The following SLC24A2 variants were observed in gnomAD, a reference collection of about 807,000 sequenced individuals.
SLC24A2 encodes the protein sodium/potassium/calcium exchanger 2.
Under a neutral mutation model 62.0 loss-of-function variants are expected in SLC24A2, and 36 were observed. The ratio of observed to expected loss-of-function variants is 0.58; its 90% CI spans 0.44 to 0.77. The LOEUF (loss-of-function observed/expected upper bound fraction) is 0.77, where lower values mean the gene tolerates loss of function less well. Among genes scored for constraint, SLC24A2 ranks in the 30% least tolerant of loss-of-function variants. The probability of loss-of-function intolerance (pLI) is 0.00; values close to 1 mark genes in which losing one functional copy is unlikely to be tolerated. For synonymous variants in SLC24A2, 358 were observed against 294.0 expected, an observed-to-expected ratio of 1.22 and a Z score of -2.23; for missense variants, 846 against 817.9, an observed-to-expected ratio of 1.03 and a Z score of -0.42.
At chr9:19,982,457 T>A in the SLC24A2 span, among the ~76,000 whole-genome samples, 1 of 152,010 alleles carries the variant, frequency 6.6e-6, no homozygotes, top group African/African-American at 2.4e-5. Flanking sequence ...AAAAGATTTA[T>A]AGCAGCAATG....
chr9:20,184,615 A>C, the SLC24A2 span, among the ~76,000 whole-genome samples: 97 of 152,274 alleles, frequency 6.4e-4, no homozygotes, highest in Admixed American at 3.0e-3. Context: ...AGTGCTGGTG[A>C]GGTTGTGAAG....
At chr9:20,164,089 A>G in the SLC24A2 span, among the ~76,000 whole-genome samples, 2 of 152,210 alleles carry the variant, frequency 1.3e-5, no homozygotes, top group African/African-American at 2.4e-5. Flanking sequence ...CTTCATGTCT[A>G]AAATACCAAA....
chr9:19,594,711 C>A (rs1237428423), intron 5 of SLC24A2, among the ~76,000 whole-genome samples: 1 of 152,156 alleles, frequency 6.6e-6, no homozygotes, highest in Non-Finnish European at 1.5e-5. Context: ...CAGTTATTGC[C>A]CCAAACATCT....
At chr9:19,558,060 C>G (rs984754526) in intron 7 of SLC24A2, among the ~76,000 whole-genome samples, 5 of 152,162 alleles carry the variant, frequency 3.3e-5, no homozygotes, top group Non-Finnish European at 7.3e-5. Context: ...GCCTTGGCCT[C>G]CCAAAGTGCT....
chr9:20,243,068 C>G, the SLC24A2 span, among the ~76,000 whole-genome samples: 1 of 152,172 alleles, frequency 6.6e-6, no homozygotes, highest in African/African-American at 2.4e-5. Flanking sequence ...TTAGTAGAGA[C>G]TTCCGTGGTT....
intron 2 of SLC24A2, among the ~76,000 whole-genome samples, chr9:19,708,023 A>T (rs1564054328): frequency 2.0e-5 from 3 of 152,206 alleles, no homozygotes; most frequent in African/African-American, 4.8e-5. Context: ...CTCAGCCCTA[A>T]ATCTCCTTAA....
At chr9:19,700,212 C>A (rs546521480) in intron 2 of SLC24A2, among the ~76,000 whole-genome samples, 5 of 152,132 alleles carry the variant, frequency 3.3e-5, no homozygotes, top group Non-Finnish European at 7.4e-5. Context: ...AATGACAGAA[C>A]CTCTTTGAGC....
chr9:20,192,988 A>G, the SLC24A2 span, among the ~76,000 whole-genome samples: 2 of 152,296 alleles, frequency 1.3e-5, no homozygotes, highest in East Asian at 3.9e-4. Context: ...AGAACCCCCC[A>G]GCACACAGTA....
At chr9:20,017,424 G>C in the SLC24A2 span, among the ~76,000 whole-genome samples, 1 of 152,078 alleles carries the variant, frequency 6.6e-6, no homozygotes, top group East Asian at 1.9e-4. Flanking sequence ...ATATTATTAA[G>C]TTTAACAAAA....
In SLC24A2 at chr9:19,765,132, T is replaced by G. The variant is rs185356075; in HGVS notation, c.930+20805A>C. Reference sequence around the variant, plus strand: ...GGATTGCAACTCCTGCTTTTTTTTTTGCTTTGCATTTGCTTAGTAAATCTT... The same window carrying G: ...GGATTGCAACTCCTGCTTTTTTTTTGGCTTTGCATTTGCTTAGTAAATCTT... On this transcript the variant is annotated intron_variant, in intron 2 of 10. Coordinates refer to ENST00000341998, the MANE Select transcript of SLC24A2 (RefSeq NM_020344.4). Among the ~76,000 whole-genome samples the G allele has an allele frequency of 2.9e-4, 44 of 152,314 alleles. No homozygotes were observed. The South Asian group carries it at 7.7e-3, about 27-fold the overall frequency.
chr9:20,185,498 T>C, the SLC24A2 span, among the ~76,000 whole-genome samples: 1 of 151,840 alleles, frequency 6.6e-6, no homozygotes, highest in Admixed American at 6.5e-5. Flanking sequence ...ACCCCGTCTC[T>C]ACTAAAAATA....
chr9:19,612,665 A>G (rs994660376), intron 4 of SLC24A2, among the ~76,000 whole-genome samples: 1 of 152,240 alleles, frequency 6.6e-6, no homozygotes, highest in South Asian at 2.1e-4. Context: ...CTCTTATTAA[A>G]TGCTGTACTA....
the SLC24A2 span, among the ~76,000 whole-genome samples, chr9:20,196,499 T>G: frequency 1.3e-5 from 2 of 152,222 alleles, no homozygotes; most frequent in African/African-American, 4.8e-5. Flanking sequence ...GGATTCCACT[T>G]TAAAATCGGG....
intron 7 of SLC24A2, among the ~76,000 whole-genome samples, chr9:19,565,626 T>A (rs1342467463): frequency 6.6e-6 from 1 of 152,088 alleles, no homozygotes; most frequent in Non-Finnish European, 1.5e-5. Flanking sequence ...CTAAAGTTCA[T>A]ATGGAACCAA....
chr9:19,585,889 T>C (rs570417510), intron 5 of SLC24A2, among the ~76,000 whole-genome samples: 1 of 152,212 alleles, frequency 6.6e-6, no homozygotes, highest in Non-Finnish European at 1.5e-5. Flanking sequence ...TGGCCACCCA[T>C]AAAGGATGGA....
intron 2 of SLC24A2, among the ~76,000 whole-genome samples, chr9:19,733,936 A>G (rs1821418749): frequency 6.6e-6 from 1 of 152,168 alleles, no homozygotes; most frequent in Non-Finnish European, 1.5e-5. Flanking sequence ...CCAGGAAGAA[A>G]AACAAAACAG....
At chr9:19,555,530 C>G (rs1197887363) in intron 7 of SLC24A2, among the ~76,000 whole-genome samples, 6 of 152,092 alleles carry the variant, frequency 3.9e-5, no homozygotes, top group African/African-American at 1.4e-4. Flanking sequence ...TATCCTTTTT[C>G]CTCAGATGTA....
chr9:19,667,327 A>T (rs1819283561), intron 2 of SLC24A2, among the ~76,000 whole-genome samples: 1 of 152,156 alleles, frequency 6.6e-6, no homozygotes, highest in South Asian at 2.1e-4. Context: ...CTTCCCACCC[A>T]GGTCCATCCT....
chr9:20,062,197 T>C, the SLC24A2 span, among the ~76,000 whole-genome samples: 1 of 152,280 alleles, frequency 6.6e-6, no homozygotes, highest in South Asian at 2.1e-4. Flanking sequence ...CCACTGCACC[T>C]TAGCCTGCGT....
Sources: allele counts gnomAD v4.1 joint callset (sites outside exome capture counted in the v4.1 genomes callset), GRCh38; gene constraint gnomAD v4.1.1; transcripts MANE v1.5; gene names NCBI Gene and HGNC (gene_info 2026-07-23, HGNC 2026-07-21).